METTL8: variants seen among roughly 807,000 people sequenced by gnomAD.
The protein encoded by METTL8 is methyltransferase 8, tRNA N3-cytidine, also known as tRNA N(3)-cytidine methyltransferase METTL8, mitochondrial.
METTL8 carries 32 observed loss-of-function variants against 48.7 expected under a neutral mutation model. The ratio of observed to expected loss-of-function variants is 0.66; its 90% CI spans 0.50 to 0.88. The LOEUF is 0.88. METTL8 is among the 40% of genes least tolerant of loss of function. METTL8 has a pLI of 0.00. For missense variants in METTL8, 464 were observed against 474.4 expected, an observed-to-expected ratio of 0.98 and a Z score of 0.20; for synonymous variants, 136 against 157.1, an observed-to-expected ratio of 0.87 and a Z score of 1.01.
Position 171,379,897 on chromosome 2 carries a change from T to A in METTL8, c.143+12146A>T, listed in dbSNP as rs192963172. On this transcript the variant is annotated intron_variant, in intron 2 of 9. Coordinates refer to ENST00000375258, the MANE Select transcript of METTL8 (RefSeq NM_001321154.2). The stretch of plus-strand genomic sequence containing the variant: ...GAGGGACTCCTCCCTAACTCATTTT[T>A]TGAGCCAGCATCATCCTGATACCAA... 1.4e-3 allele frequency among the ~76,000 whole-genome samples: 214 copies of A among 152,316 alleles called. 4 individuals are homozygous for A. In the East Asian group the frequency reaches 0.015, roughly 11 times the overall value.
chr2:171,384,608 C>T (rs1178009), intron 2 of METTL8, among the ~76,000 whole-genome samples: 150,684 of 152,274 alleles, frequency 0.99, 74,575 homozygotes, highest in Middle Eastern at 1. Flanking sequence ...GGCAGGAGGA[C>T]TGCTTCAGCC....
intron 2 of METTL8, among the ~76,000 whole-genome samples, chr2:171,361,406 A>G (rs145492279): frequency 5.3e-5 from 8 of 152,268 alleles, no homozygotes; most frequent in Non-Finnish European, 8.8e-5. Flanking sequence ...CTATTATCAT[A>G]TGATATATGT....
At chr2:171,396,674 A>G (rs1267817323) in intron 1 of METTL8, among the ~76,000 whole-genome samples, 1 of 152,248 alleles carries the variant, frequency 6.6e-6, no homozygotes, top group East Asian at 1.9e-4. Flanking sequence ...ATAACCTATG[A>G]GTAAAAGAAC....
chr2:171,419,021 C>CAAA (rs58215216), intron 1 of METTL8, among the ~76,000 whole-genome samples: 2 of 132,298 alleles, frequency 1.5e-5, no homozygotes, highest in African/African-American at 2.7e-5. Flanking sequence ...GACCCTGTCT[C>CAAA]AAAAAAAAAA....
intron 2 of METTL8, among the ~76,000 whole-genome samples, chr2:171,367,437 A>ATCTT (rs1416972847): frequency 6.6e-6 from 1 of 152,210 alleles, no homozygotes; most frequent in Non-Finnish European, 1.5e-5. Flanking sequence ...CAGTAAAAAG[A>ATCTT]TCTTTCAAAT....
At chr2:171,394,937 C>A (rs1184235290) in intron 1 of METTL8, among the ~76,000 whole-genome samples, 2 of 152,158 alleles carry the variant, frequency 1.3e-5, no homozygotes, top group Admixed American at 1.3e-4. Context: ...TGACAATGTA[C>A]AGGTAGCTAT....
At position 171,324,328 on chromosome 2, in the gene METTL8, T is replaced by G; in HGVS notation, c.1068A>C (p.Leu356Phe). 3.2e-6 allele frequency: 5 copies of G among 1,551,704 alleles called. No homozygotes were observed. Among genetic ancestry groups the G allele is most frequent in the Non-Finnish European group, 3.5e-6 (4 of 1,147,008 alleles). ...EVHSMFCKAS[L>F]DEKQNLVDRR... ...GATCAACCAGATTTTGCTTTTCATC[T>G]AAACTGGCTTTGCAGAACATACTGT... The change falls in exon 10 of 10, where the codon TTA becomes TTC. Residue 356 changes from leucine (L) to phenylalanine (F), a missense_variant. Coordinates refer to ENST00000375258, the MANE Select transcript of METTL8 (RefSeq NM_001321154.2).
At chr2:171,433,432 G>A (rs1383650841) in intron 1 of METTL8, among the ~76,000 whole-genome samples, 2 of 152,216 alleles carry the variant, frequency 1.3e-5, no homozygotes, top group African/African-American at 4.8e-5. Context: ...GAGGTAGCAT[G>A]CCCAAGTCCA....
chr2:171,390,794 T>C (rs79115593), intron 2 of METTL8, among the ~76,000 whole-genome samples: 4,736 of 152,264 alleles, frequency 0.031, 82 homozygotes, highest in East Asian at 0.051. Flanking sequence ...GTGTGAACAC[T>C]GTGGAAATCA....
At position 171,395,345 on chromosome 2, in the gene METTL8, T is replaced by A. The variant is rs112577936; in HGVS notation, c.-12-3148A>T. On this transcript the variant is annotated intron_variant, in intron 1 of 9. Coordinates refer to ENST00000375258, the MANE Select transcript of METTL8 (RefSeq NM_001321154.2). ...ATAGAAAACAAATACCAAGATAGCA[T>A]ATGTAAACCCAACCATATCAATACT... Among the ~76,000 whole-genome samples, 441 of 152,198 alleles carry A rather than the reference T, an allele frequency of 2.9e-3. 4 individuals are homozygous for A. Among genetic ancestry groups the A allele is most frequent in the African/African-American group, 0.01 (421 of 41,532 alleles).
intron 7 of METTL8, among the ~76,000 whole-genome samples, chr2:171,328,360 G>A (rs1685174185): frequency 6.6e-6 from 1 of 152,076 alleles, no homozygotes; most frequent in South Asian, 2.1e-4. Flanking sequence ...ATTTAAGCTG[G>A]GTCCTCCAGA....
intron 3 of METTL8, among the ~76,000 whole-genome samples, chr2:171,343,177 T>C (rs1241318736): frequency 6.6e-6 from 1 of 152,206 alleles, no homozygotes; most frequent in Admixed American, 6.5e-5. Context: ...TGATGGCTCA[T>C]GCCTACAATA....
Position 171,339,024 on chromosome 2 carries a change from T to A in METTL8, c.606+160A>T, listed in dbSNP as rs537948718. 2.6e-5 allele frequency among the ~76,000 whole-genome samples: 4 copies of A among 152,080 alleles called. No homozygotes were observed. The East Asian group carries it at 7.7e-4, about 29-fold the overall frequency. On this transcript the variant is annotated intron_variant, in intron 4 of 9. Coordinates refer to ENST00000375258, the MANE Select transcript of METTL8 (RefSeq NM_001321154.2). ...CTTAAAACTTGACTGATTAAAGACA[T>A]GAGTCCCTTAGATATTATTTATGCA...
In METTL8 at chr2:171,322,090, G is replaced by T. The variant is rs1684549929; in HGVS notation, c.*2082C>A. 1 of 151,616 alleles carries T rather than the reference G, an allele frequency of 6.6e-6. No individual in the cohort carries two copies. The highest frequency in any genetic ancestry group is 1.9e-4 in the East Asian group (1 of 5,158). 9.4% of individuals were successfully genotyped at this position (151,616 alleles called of 1,614,324 possible). A position where few individuals can be genotyped will look rare whatever the true frequency, so the allele number is the denominator to read the frequency against. On this transcript the variant is annotated 3_prime_UTR_variant, in exon 10 of 10. Transcript: ENST00000375258. ...TGATTCTCCTGCCTCAGCCTCCCGA[G>T]TAGCTGGGATTACAGGTGCCCACCA...
chr2:171,402,409 T>C (rs1191932987), intron 1 of METTL8, among the ~76,000 whole-genome samples: 1 of 152,098 alleles, frequency 6.6e-6, no homozygotes, highest in African/African-American at 2.4e-5. Flanking sequence ...AATTGAACAA[T>C]TAGGAAGTAG....
At chr2:171,430,723 C>T (rs932459088) in intron 1 of METTL8, among the ~76,000 whole-genome samples, 5 of 151,974 alleles carry the variant, frequency 3.3e-5, no homozygotes, top group Non-Finnish European at 7.4e-5. Context: ...GGGGGTGGGT[C>T]CCCAGTGAAA....
At chr2:171,393,082 C>T (rs1278075709) in intron 1 of METTL8, among the ~76,000 whole-genome samples, 1 of 151,732 alleles carries the variant, frequency 6.6e-6, no homozygotes, top group Non-Finnish European at 1.5e-5. Flanking sequence ...CCCGCCTGGG[C>T]AACAGAATAA....
intron 1 of METTL8, among the ~76,000 whole-genome samples, chr2:171,432,210 A>G (rs1693110586): frequency 6.6e-6 from 1 of 151,080 alleles, no homozygotes; most frequent in South Asian, 2.1e-4. Flanking sequence ...GGAGGTCTCC[A>G]GTGGCAAAGC....
chr2:171,358,599 G>A (rs1201002140), intron 3 of METTL8, among the ~76,000 whole-genome samples: 2 of 152,076 alleles, frequency 1.3e-5, no homozygotes, highest in Admixed American at 1.3e-4. Context: ...GGGATAACTG[G>A]AAAACTGTAA....
Sources: allele counts gnomAD v4.1 joint callset (sites outside exome capture counted in the v4.1 genomes callset), GRCh38; gene constraint gnomAD v4.1.1; transcripts MANE v1.5; gene names NCBI Gene and HGNC (gene_info 2026-07-23, HGNC 2026-07-21).